Variants in NFAT5 observed in about 807,000 individuals in gnomAD.
The protein encoded by NFAT5 is nuclear factor of activated T-cells 5.
NFAT5 carries 31 observed loss-of-function variants against 166.5 expected under a neutral mutation model. That is an observed-to-expected ratio of 0.19 (90% CI 0.14 to 0.25). NFAT5 has a LOEUF of 0.25. NFAT5 is among the 10% of genes least tolerant of loss of function. The pLI is 1.00. For missense variants in NFAT5, 1,449 were observed against 1,821.8 expected (o/e 0.80, Z 3.72); for synonymous variants, 612 against 639.7 (o/e 0.96, Z 0.65).
At position 69,630,581 on chromosome 16, in the gene NFAT5, C is replaced by T. The variant is rs181242939; in HGVS notation, c.253+4053C>T. On this transcript the variant is annotated intron_variant, in intron 3 of 14. Coordinates refer to ENST00000349945, the MANE Select transcript of NFAT5 (RefSeq NM_138713.4). Reference sequence around the variant, plus strand: ...CTTTAAAAATATAAACTTTCTGAACCATTTTGTAAGTTCTCAGTAATTAAA... The same window carrying T: ...CTTTAAAAATATAAACTTTCTGAACTATTTTGTAAGTTCTCAGTAATTAAA... 2.3e-3 allele frequency among the ~76,000 whole-genome samples: 349 copies of T among 152,230 alleles called. 1 individual carries two copies. The highest frequency in any genetic ancestry group is 1.4e-3 in the Non-Finnish European group (92 of 68,010).
chr16:69,566,379 G>A lies in NFAT5; in HGVS notation c.73+5G>A. 6.4e-7 allele frequency: 1 copy of A among 1,559,176 alleles called. No individual in the cohort carries two copies. The highest frequency in any genetic ancestry group is 8.8e-7 in the Non-Finnish European group (1 of 1,137,760). On this transcript the variant is annotated splice_donor_5th_base_variant and intron_variant, in intron 1 of 14. Transcript: ENST00000349945. The surrounding 1 kb of genome is among the most constrained non-coding windows in gnomAD (Gnocchi z 5.7). Reference sequence around the variant, plus strand: ...CCAAGTCCCTCTACTCGCGAGGTGAGTCAGGCTGTGGGGGGTGGGGCGTGG... The same window carrying A: ...CCAAGTCCCTCTACTCGCGAGGTGAATCAGGCTGTGGGGGGTGGGGCGTGG...
intron 8 of NFAT5, 29 bp from the exon 9 acceptor site, chr16:69,670,206 AT>A: frequency 6.6e-7 from 1 of 1,519,836 alleles, no homozygotes; most frequent in Non-Finnish European, 8.7e-7. Context: ...TAGTTCAAAA[AT>A]TTAATAAATC....
At chr16:69,579,128 C>G (rs1233044184) in intron 2 of NFAT5, among the ~76,000 whole-genome samples, 2 of 152,130 alleles carry the variant, frequency 1.3e-5, no homozygotes, top group African/African-American at 4.8e-5. Flanking sequence ...CCTGTCTCAG[C>G]CTCCCAAAGT....
At chr16:69,679,342 A>G (rs1295506184) in intron 10 of NFAT5, among the ~76,000 whole-genome samples, 1 of 151,578 alleles carries the variant, frequency 6.6e-6, no homozygotes, top group Non-Finnish European at 1.5e-5. Flanking sequence ...AAGGCCTGGC[A>G]TGGTGGCTCA....
intron 7 of NFAT5, among the ~76,000 whole-genome samples, chr16:69,666,162 A>G (rs2036367735): frequency 8.4e-6 from 1 of 118,660 alleles, no homozygotes; most frequent in African/African-American, 3.3e-5. Context: ...CTTATACAAA[A>G]ATCAATTCAA....
chr16:69,666,718 TTGG>T (rs2036396814), intron 7 of NFAT5, among the ~76,000 whole-genome samples: 1 of 151,606 alleles, frequency 6.6e-6, no homozygotes, highest in African/African-American at 2.4e-5. Context: ...TTTTACACTG[TTGG>T]TGGGACTGTA....
intron 2 of NFAT5, among the ~76,000 whole-genome samples, chr16:69,605,810 T>C (rs2033375453): frequency 6.6e-6 from 1 of 151,578 alleles, no homozygotes; most frequent in South Asian, 2.1e-4. Context: ...GCTTCCCGGG[T>C]TCACGCCATT....
rs1421435333 is a variant in NFAT5, at chr16:69,632,880, G to A, written c.253+6352G>A. Among the ~76,000 whole-genome samples, 3 of 152,116 alleles carry A rather than the reference G, an allele frequency of 2.0e-5. No homozygotes were observed. The East Asian group carries it at 5.8e-4, about 29-fold the overall frequency. On this transcript the variant is annotated intron_variant, in intron 3 of 14. Transcript: ENST00000349945. ...TTCCAAGAAAACTAGACCATTTCTA[G>A]AAGGAAGTCAGATCCTAGTTACAAA...
At chr16:69,690,407 GTTTTC>G (rs1001367143) in intron 11 of NFAT5, 3 of 152,016 alleles carry the variant, frequency 2.0e-5, no homozygotes, top group African/African-American at 7.2e-5. Context: ...AATTAATTTA[GTTTTC>G]TTTTAATTTA....
At chr16:69,610,295 A>G (rs1328612792) in intron 2 of NFAT5, among the ~76,000 whole-genome samples, 1 of 152,074 alleles carries the variant, frequency 6.6e-6, no homozygotes, top group Non-Finnish European at 1.5e-5. Flanking sequence ...AGGTAGTAGG[A>G]TATTCTGGTA....
At chr16:69,567,917 T>C (rs558422715) in intron 1 of NFAT5, among the ~76,000 whole-genome samples, 6 of 152,204 alleles carry the variant, frequency 3.9e-5, no homozygotes, top group African/African-American at 1.4e-4. Context: ...ATGAAACATA[T>C]ACTTTATGAA....
chr16:69,604,938 A>C (rs1287835910), intron 2 of NFAT5, among the ~76,000 whole-genome samples: 2 of 152,202 alleles, frequency 1.3e-5, no homozygotes, highest in East Asian at 3.8e-4. Flanking sequence ...AATTTGTGTT[A>C]CCTATTCATC....
At position 69,566,402 on chromosome 16, in the gene NFAT5, TGGGGGCGG is replaced by T; in HGVS notation, c.73+31_73+38del. 2.1e-6 allele frequency: 1 copy of T among 479,042 alleles called. No individual in the cohort carries two copies. Among genetic ancestry groups the T allele is most frequent in the Non-Finnish European group, 3.8e-6 (1 of 260,414 alleles). 29.7% of individuals were successfully genotyped at this position (479,042 alleles called of 1,614,324 possible). On this transcript the variant is annotated intron_variant, in intron 1 of 14. Transcript: ENST00000349945. The surrounding 1 kb of genome is among the most constrained non-coding windows in gnomAD (Gnocchi z 5.7). ...GAGTCAGGCTGTGGGGGGTGGGGCG[TGGGGGCGG>T]GGAGACAGGGAGACAGGGAGACAGG...
chr16:69,681,288 G>A (rs1368540249), intron 10 of NFAT5, among the ~76,000 whole-genome samples: 1 of 152,118 alleles, frequency 6.6e-6, no homozygotes, highest in Non-Finnish European at 1.5e-5. Context: ...AATATTTACG[G>A]GTTGGAGTAG....
At position 69,647,148 on chromosome 16, in the gene NFAT5, G is replaced by A; in HGVS notation, c.374G>A (p.Ser125Asn). ...GACAGCAAGGCTATGCAAGTGGAGA[G>A]CTGCTCCTCAGCCGTGGGGGTAAGT... ...VTDSKAMQVESCSSAVGVSNR... is the reference protein window; with the variant it reads ...VTDSKAMQVENCSSAVGVSNR... The change falls in exon 4 of 15, where the codon AGC (serine) becomes AAC (asparagine). Residue 125 changes from serine (S) to asparagine (N), a missense_variant. Physicochemically the swap from Ser to Asn is conservative, Grantham distance 46. Coordinates refer to ENST00000349945, the MANE Select transcript of NFAT5 (RefSeq NM_138713.4). The surrounding 1 kb of genome is among the most constrained non-coding windows in gnomAD (Gnocchi z 4.8). The A allele has an allele frequency of 6.2e-7, 1 of 1,614,148 alleles. No individual in the cohort carries two copies. Among genetic ancestry groups the A allele is most frequent in the Non-Finnish European group, 8.5e-7 (1 of 1,179,992 alleles).
chr16:69,646,917 A>C (rs922532908), intron 3 of NFAT5, 111 bp from the exon 4 acceptor site: 6 of 905,848 alleles, frequency 6.6e-6, no homozygotes, highest in Non-Finnish European at 9.7e-6. Flanking sequence ...AATTCTGACT[A>C]TTCATTTTGG....
At chr16:69,685,171 TA>T (rs1482594776) in intron 11 of NFAT5, 3 of 115,994 alleles carry the variant, frequency 2.6e-5, no homozygotes, top group Non-Finnish European at 1.7e-5. Flanking sequence ...AATATGTTTT[TA>T]TATATATATA....
At chr16:69,587,189 C>T (rs1399385568) in intron 2 of NFAT5, among the ~76,000 whole-genome samples, 1 of 150,682 alleles carries the variant, frequency 6.6e-6, no homozygotes, top group Non-Finnish European at 1.5e-5. Context: ...TCAATTGATT[C>T]TTCTGCCTCA....
At chr16:69,597,744 A>T (rs556579051) in intron 2 of NFAT5, among the ~76,000 whole-genome samples, 1 of 151,654 alleles carries the variant, frequency 6.6e-6, no homozygotes, top group African/African-American at 2.4e-5. Context: ...GGCGCCCACC[A>T]CCGCGCCTGA....
Sources: gnomAD v4.1 joint callset for allele counts (sites outside exome capture counted in the v4.1 genomes callset) on GRCh38, gnomAD v4.1.1 for gene constraint, Gnocchi (gnomAD v3.1) non-coding constraint, MANE v1.5 for transcripts, NCBI Gene and HGNC (gene_info 2026-07-23, HGNC 2026-07-21) for gene names.